DYNC1H1: variants seen among roughly 807,000 people sequenced by gnomAD.
DYNC1H1 encodes the protein cytoplasmic dynein 1 heavy chain 1.
Under a neutral mutation model 527.1 loss-of-function variants are expected in DYNC1H1, and 51 were observed. The observed-to-expected ratio is 0.10, with a 90% CI of 0.08 to 0.12. DYNC1H1 has a LOEUF of 0.12. Ranked by LOEUF, DYNC1H1 falls within the 10% of genes least tolerant of loss-of-function variation. The probability of loss-of-function intolerance (pLI) is 1.00; values close to 1 mark genes in which losing one functional copy is unlikely to be tolerated. For synonymous variants in DYNC1H1, 2,189 were observed against 2,278.8 expected, an observed-to-expected ratio of 0.96 and a Z score of 1.12; for missense variants, 2,771 against 5,971.8, an observed-to-expected ratio of 0.46 and a Z score of 17.66.
Position 102,050,112 on chromosome 14 carries a change from T to A in DYNC1H1, c.13726T>A (p.Ser4576Thr). The A allele has an allele frequency of 6.3e-7, 1 of 1,579,112 alleles. No individual in the cohort carries two copies. Among genetic ancestry groups the A allele is most frequent in the Non-Finnish European group, 8.5e-7 (1 of 1,170,564 alleles). Reference protein sequence around the residue: ...QGATCNNNKLSLSNAISTALP... With the variant: ...QGATCNNNKLTLSNAISTALP... ...GGCCACGTGCAACAACAACAAGCTG[T>A]CACTGTCCAATGCCATCTCAACCGC... The change falls in exon 77 of 78, where the codon TCA (serine) becomes ACA (threonine). Residue 4576 changes from serine to threonine, a missense_variant. Ser to Thr is a moderately conservative substitution (Grantham distance 58). Around this residue, in one of 32 missense-constraint regions of DYNC1H1, gnomAD observed 106 missense variants for 139.2 expected, o/e 0.76. Coordinates refer to ENST00000360184, the MANE Select transcript of DYNC1H1 (RefSeq NM_001376.5).
At position 101,983,617 on chromosome 14, in the gene DYNC1H1, T is replaced by C; in HGVS notation, c.1461+8T>C. ...AGGGTCCTGAGGCCACAGGTAAGAT[T>C]TGCATTCTAAAAGTTTGTGTTTTGT... On this transcript the variant is annotated splice_region_variant and intron_variant, in intron 7 of 77. Transcript: ENST00000360184. This position sits in a 1 kb window ranked among gnomAD's most constrained non-coding sequence, Gnocchi z 5.3. The C allele has an allele frequency of 2.5e-6, 4 of 1,613,026 alleles. No individual in the cohort carries two copies. In the East Asian group the frequency reaches 8.9e-5, roughly 36 times the overall value.
At position 102,039,386 on chromosome 14, in the gene DYNC1H1, C is replaced by T. The variant is rs771504437; in HGVS notation, c.11461-26C>T. ...CAGCGGGGTGCCGAGGGAGCTGCCT[C>T]ACCGCTGCCCACTGCTTCCTTTCAG... On this transcript the variant is annotated intron_variant, in intron 60 of 77. Coordinates refer to ENST00000360184, the MANE Select transcript of DYNC1H1 (RefSeq NM_001376.5). The surrounding 1 kb of genome is among the most constrained non-coding windows in gnomAD (Gnocchi z 7.0). 6.2e-7 allele frequency: 1 copy of T among 1,612,928 alleles called. No individual in the cohort carries two copies. Among genetic ancestry groups the T allele is most frequent in the Non-Finnish European group, 8.5e-7 (1 of 1,178,798 alleles).
chr14:102,043,746 A>C, intron 69 of DYNC1H1, 129 bp from the exon 70 acceptor site: 2 of 1,283,478 alleles, frequency 1.6e-6, no homozygotes, highest in Non-Finnish European at 2.2e-6. Context: ...AGCAGTACTC[A>C]TGTGAATCTG....
In DYNC1H1 at chr14:101,979,285, CTT is replaced by C; in HGVS notation, c.345-31_345-30del. On this transcript the variant is annotated intron_variant, in intron 2 of 77. Coordinates refer to ENST00000360184, the MANE Select transcript of DYNC1H1 (RefSeq NM_001376.5). The surrounding 1 kb of genome is among the most constrained non-coding windows in gnomAD (Gnocchi z 4.6). ...TTAATAAGCCTAATTAGGAGTGTAA[CTT>C]TTCTAATTTCTTGTTTTATTTTTCT... 1.2e-6 allele frequency: 2 copies of C among 1,608,418 alleles called. No individual in the cohort carries two copies. The highest frequency in any genetic ancestry group is 1.7e-6 in the Non-Finnish European group (2 of 1,175,106).
chr14:101,985,851 C>T lies in DYNC1H1; in HGVS notation c.1626C>T (p.Gly542=), dbSNP rs1566998995. 1 of 1,614,106 alleles carries T rather than the reference C, an allele frequency of 6.2e-7. No individual in the cohort carries two copies. The highest frequency in any genetic ancestry group is 1.1e-5 in the South Asian group (1 of 91,088). ...EVDGLDVSKE[G]TEAWEAAMKR... ...ATGGACTGGATGTTTCCAAAGAGGG[C>T]ACGGAAGCCTGGGAGGCTGCTATGA... The change falls in exon 8 of 78, where the codon GGC becomes GGT. Residue 542 remains glycine, a synonymous_variant. Coordinates refer to ENST00000360184, the MANE Select transcript of DYNC1H1 (RefSeq NM_001376.5). This position sits in a 1 kb window ranked among gnomAD's most constrained non-coding sequence, Gnocchi z 5.9.
At chr14:102,046,423 AGGCGAGCTGGGC>A (rs1157107949) in intron 72 of DYNC1H1, among the ~76,000 whole-genome samples, 3 of 151,312 alleles carry the variant, frequency 2.0e-5, no homozygotes, top group African/African-American at 7.3e-5. Flanking sequence ...GGGATAAGCC[AGGCGAGCTGGGC>A]GGGTCTGGAG....
Position 102,015,981 on chromosome 14 carries a change from C to T in DYNC1H1, c.7368C>T (p.Gly2456=). ...IMDLTRLRCL[G]SLFSMLHQAC... Reference sequence around the variant, plus strand: ...ACCTAACACGCCTGCGCTGCCTGGGCTCGCTCTTCTCCATGCTGCACCAGG... The same window carrying T: ...ACCTAACACGCCTGCGCTGCCTGGGTTCGCTCTTCTCCATGCTGCACCAGG... The change falls in exon 36 of 78, where the codon GGC becomes GGT. Residue 2456 remains glycine, a synonymous_variant. Transcript: ENST00000360184. The surrounding 1 kb of genome is among the most constrained non-coding windows in gnomAD (Gnocchi z 6.9). 1 of 1,614,014 alleles carries T rather than the reference C, an allele frequency of 6.2e-7. No individual in the cohort carries two copies. Among genetic ancestry groups the T allele is most frequent in the Non-Finnish European group, 8.5e-7 (1 of 1,180,022 alleles).
Position 102,012,134 on chromosome 14 carries a change from G to C in DYNC1H1, c.6857+21G>C. Reference sequence around the variant, plus strand: ...AGAAAGTACGTCTTCTTTGATCTGTGTTTGTGTTCTCCTGGATATGGGCGC... The same window carrying C: ...AGAAAGTACGTCTTCTTTGATCTGTCTTTGTGTTCTCCTGGATATGGGCGC... On this transcript the variant is annotated intron_variant, in intron 33 of 77. Coordinates refer to ENST00000360184, the MANE Select transcript of DYNC1H1 (RefSeq NM_001376.5). The surrounding 1 kb of genome is among the most constrained non-coding windows in gnomAD (Gnocchi z 4.9). 6.2e-7 allele frequency: 1 copy of C among 1,613,970 alleles called. No individual in the cohort carries two copies. The highest frequency in any genetic ancestry group is 8.5e-7 in the Non-Finnish European group (1 of 1,179,872).
chr14:101,991,630 T>C lies in DYNC1H1; in HGVS notation c.2972T>C (p.Met991Thr), dbSNP rs1302136713. The C allele has an allele frequency of 3.7e-6, 6 of 1,614,192 alleles. No individual in the cohort carries two copies. Among genetic ancestry groups the C allele is most frequent in the Non-Finnish European group, 5.1e-6 (6 of 1,180,022 alleles). Residue 991 changes from methionine (M) to threonine (T), a missense_variant, in exon 11 of 78, where the codon ATG becomes ACG. Transcript: ENST00000360184. ...KLYQEMFAWK[M>T]VVLSLPRIQS... The stretch of plus-strand genomic sequence containing the variant: ...TATCAGGAAATGTTTGCCTGGAAGA[T>C]GGTTGTACTGTCTCTCCCCAGGATC...
In DYNC1H1 at chr14:102,044,377, G is replaced by A. The variant is rs762441496; in HGVS notation, c.12788G>A (p.Arg4263His). 1.2e-6 allele frequency: 2 copies of A among 1,614,094 alleles called. No homozygotes were observed. Among genetic ancestry groups the A allele is most frequent in the Non-Finnish European group, 8.5e-7 (1 of 1,180,024 alleles). ...CGCGTGGACAACGAGTTTGACCAGCGTCTGCTCAACACCTTCCTGGAGCGC... is the reference window on the plus strand; with the variant it reads ...CGCGTGGACAACGAGTTTGACCAGCATCTGCTCAACACCTTCCTGGAGCGC... ...GGRVDNEFDQ[R>H]LLNTFLERLF... Residue 4263 changes from arginine to histidine, a missense_variant, in exon 71 of 78, where the codon CGT (arginine) becomes CAT (histidine). This residue lies in a region of DYNC1H1 where 195 missense variants were observed against 428.6 expected (regional missense o/e 0.45). Transcript: ENST00000360184. The surrounding 1 kb of genome is among the most constrained non-coding windows in gnomAD (Gnocchi z 7.1).
rs1036673776 is a variant in DYNC1H1 at position 102,010,387 on chromosome 14, A to G, written c.6333A>G (p.Ile2111Met). The change falls in exon 31 of 78, where the codon ATA becomes ATG. Residue 2111 changes from isoleucine (I) to methionine (M), a missense_variant. By Grantham distance (10) the Ile-to-Met change is conservative. Around this residue, in one of 32 missense-constraint regions of DYNC1H1, gnomAD observed 56 missense variants for 140.6 expected, o/e 0.40. Transcript: ENST00000360184. This position sits in a 1 kb window ranked among gnomAD's most constrained non-coding sequence, Gnocchi z 6.0. ...GNVKRERIQK[I>M]KREKEERGEA... Reference sequence around the variant, plus strand: ...TGAAGAGAGAGAGAATCCAGAAGATAAAGAGGGAGAAAGAGGAACGAGGGG... The same window carrying G: ...TGAAGAGAGAGAGAATCCAGAAGATGAAGAGGGAGAAAGAGGAACGAGGGG... The G allele has an allele frequency of 1.2e-6, 2 of 1,614,190 alleles. No individual in the cohort carries two copies. Among genetic ancestry groups the G allele is most frequent in the Non-Finnish European group, 1.7e-6 (2 of 1,180,040 alleles).
Position 102,042,858 on chromosome 14 carries a change from T to C in DYNC1H1, c.12513+110T>C, listed in dbSNP as rs1354765081. 8.8e-6 allele frequency: 11 copies of C among 1,244,654 alleles called. No homozygotes were observed. Among genetic ancestry groups the C allele is most frequent in the Non-Finnish European group, 1.3e-5 (11 of 869,750 alleles). 77.1% of individuals were successfully genotyped at this position (1,244,654 alleles called of 1,614,324 possible). On this transcript the variant is annotated intron_variant, in intron 69 of 77. Transcript: ENST00000360184. This position sits in a 1 kb window ranked among gnomAD's most constrained non-coding sequence, Gnocchi z 5.7. ...CCCCCGGAAGTGCCGTGTGGTGAAC[T>C]GCACAGCTGCTTTTGCTTTTCAGCT...
In DYNC1H1 at chr14:102,050,637, AGGTCTGAGCTTGTGAAAAGAAAGTGGTT is replaced by A; in HGVS notation, c.*83_*110del. 6.2e-7 allele frequency: 1 copy of A among 1,610,644 alleles called. No individual in the cohort carries two copies. Among genetic ancestry groups the A allele is most frequent in the East Asian group, 2.2e-5 (1 of 44,830 alleles). On this transcript the variant is annotated 3_prime_UTR_variant, in exon 78 of 78. Coordinates refer to ENST00000360184, the MANE Select transcript of DYNC1H1 (RefSeq NM_001376.5). ...TTTATTCATTTTTAAAATATTTGGAAGGTCTGAGCTTGTGAAAAGAAAGTGGTTGGTCTGAGGTTGGAGGAAGCTGAAT... is the reference window on the plus strand; with the variant it reads ...TTTATTCATTTTTAAAATATTTGGAAGGTCTGAGGTTGGAGGAAGCTGAAT...
chr14:102,011,916 G>A lies in DYNC1H1; in HGVS notation c.6660G>A (p.Leu2220=), dbSNP rs567417919. The change falls in exon 33 of 78, where the codon CTG becomes CTA. Residue 2220 remains leucine (L), a synonymous_variant. Coordinates refer to ENST00000360184, the MANE Select transcript of DYNC1H1 (RefSeq NM_001376.5). The surrounding 1 kb of genome is among the most constrained non-coding windows in gnomAD (Gnocchi z 5.3). ...LYQITQINHG[L]MMVGPSGSGK... is the part of the protein sequence containing the mutation. ...AGATCACCCAGATCAATCATGGCCT[G>A]ATGATGGTGGGGCCCTCGGGAAGTG... 1.5e-5 allele frequency: 24 copies of A among 1,614,174 alleles called. 1 individual carries two copies. The East Asian group carries it at 5.3e-4, about 36-fold the overall frequency.
Position 102,043,965 on chromosome 14 carries a change from T to A in DYNC1H1, c.12604T>A (p.Ser4202Thr), listed in dbSNP as rs1290127731. The change falls in exon 70 of 78, where the codon TCA becomes ACA. Residue 4202 changes from serine (S) to threonine (T), a missense_variant. Transcript: ENST00000360184. ...CTTACGATACGCACCACTGGGGTGG[T>A]CAAAGAAGTATGAATTTGGAGAGTC... Reference protein sequence around the residue: ...ERLRYAPLGWSKKYEFGESDL... With the variant: ...ERLRYAPLGWTKKYEFGESDL... 3 of 1,614,182 alleles carry A rather than the reference T, an allele frequency of 1.9e-6. No individual in the cohort carries two copies. The highest frequency in any genetic ancestry group is 1.7e-6 in the Non-Finnish European group (2 of 1,180,040).
rs2048546876 is a variant in DYNC1H1, at chr14:102,034,420, A to G, written c.10722A>G (p.Thr3574=). ...CCTTGCCTGCTGATGACCTTTGCAC[A>G]GAAAATGCCATCATGCTGAAACGAT... ...ASSLPADDLC[T]ENAIMLKRFN... is the part of the protein sequence containing the mutation. Residue 3574 remains threonine (T), a synonymous_variant, in exon 56 of 78, where the codon ACA becomes ACG. Transcript: ENST00000360184. 6.2e-7 allele frequency: 1 copy of G among 1,613,474 alleles called. No homozygotes were observed. Among genetic ancestry groups the G allele is most frequent in the African/African-American group, 1.3e-5 (1 of 75,050 alleles).
At chr14:102,047,758 T>C (rs577659440) in intron 72 of DYNC1H1, 59 bp from the exon 73 acceptor site, 23 of 1,605,152 alleles carry the variant, frequency 1.4e-5, no homozygotes, top group Middle Eastern at 1.7e-4. Context: ...CTTTTCCCTC[T>C]GTGATTTCTT....
Position 102,018,396 on chromosome 14 carries a change from C to A in DYNC1H1, c.8178-55C>A, listed in dbSNP as rs536345903. 34 of 1,599,242 alleles carry A rather than the reference C, an allele frequency of 2.1e-5. 1 individual carries two copies. The South Asian group carries it at 3.6e-4, about 17-fold the overall frequency. ...AGGGCGACTCCACTGGCACACTGCC[C>A]CTTCCTGGGAGGCGCTGTCAGGGAG... is the stretch of plus-strand genomic sequence containing the variant. On this transcript the variant is annotated intron_variant, in intron 40 of 77. Transcript: ENST00000360184. This position sits in a 1 kb window ranked among gnomAD's most constrained non-coding sequence, Gnocchi z 5.2.
chr14:102,036,871 C>T lies in DYNC1H1; in HGVS notation c.10908+229C>T, dbSNP rs554346395. On this transcript the variant is annotated intron_variant, in intron 57 of 77. Transcript: ENST00000360184. The surrounding 1 kb of genome is among the most constrained non-coding windows in gnomAD (Gnocchi z 5.6). ...CTGTAATCTCAGCACTTTGGGAGGC[C>T]GAGGCGGGTGGATCATCTAAGGTCA... is the stretch of plus-strand genomic sequence containing the variant. 34 of 468,914 alleles carry T rather than the reference C, an allele frequency of 7.3e-5. No individual in the cohort carries two copies. The highest frequency in any genetic ancestry group is 7.1e-4 in the Admixed American group (23 of 32,326). The allele number at this position is 468,914 out of a possible 1,614,324, so 29.0% of individuals were successfully genotyped here. A position where few individuals can be genotyped will look rare whatever the true frequency, so the allele number is the denominator to read the frequency against.
Sources: gnomAD v4.1 joint callset for allele counts (sites outside exome capture counted in the v4.1 genomes callset) on GRCh38, gnomAD v4.1.1 for gene constraint, gnomAD v4.1.1 regional missense constraint, Gnocchi (gnomAD v3.1) non-coding constraint, MANE v1.5 for transcripts, NCBI Gene and HGNC (gene_info 2026-07-23, HGNC 2026-07-21) for gene names.